PBX1: variants seen among roughly 807,000 people sequenced by gnomAD.
PBX1 encodes the protein pre-B-cell leukemia transcription factor 1.
A neutral mutation model predicts 53.4 loss-of-function variants in PBX1; 6 were observed. The observed-to-expected ratio is 0.11, with a 90% CI of 0.06 to 0.22. PBX1 has a LOEUF of 0.22. Ranked by LOEUF, PBX1 falls within the 10% of genes least tolerant of loss-of-function variation. The pLI, the probability that PBX1 is intolerant of heterozygous loss-of-function variation, is 1.00. For missense variants in PBX1, 251 were observed against 551.4 expected (o/e 0.46, Z 5.46); for synonymous variants, 204 against 212.3 (o/e 0.96, Z 0.34).
At chr1:164,633,320 T>G (rs923578404) in intron 2 of PBX1, among the ~76,000 whole-genome samples, 3 of 152,106 alleles carry the variant, frequency 2.0e-5, no homozygotes, top group African/African-American at 7.2e-5. Flanking sequence ...CGGCTAATTT[T>G]CTTATTTTTA....
chr1:164,786,720 T>TGTGTGTGTGTGCGCGC (rs1357886882), intron 2 of PBX1, among the ~76,000 whole-genome samples: 105 of 116,276 alleles, frequency 9.0e-4, no homozygotes, highest in African/African-American at 3.5e-3. Flanking sequence ...TGTGTGTGTG[T>TGTGTGTGTGTGCGCGC]GCGCGCGCAC....
Position 164,572,761 on chromosome 1 carries a change from T to C in PBX1, c.265+9450T>C, listed in dbSNP as rs78503372. ...CACTGATGTAAAGCACATAGTTCAA[T>C]GAGTATGCTCAACTAGTGGCCACTA... is the stretch of plus-strand genomic sequence containing the variant. On this transcript the variant is annotated intron_variant, in intron 2 of 8. Transcript: ENST00000420696. Among the ~76,000 whole-genome samples, 391 of 152,342 alleles carry C rather than the reference T, an allele frequency of 2.6e-3. 3 individuals carry two copies. The highest frequency in any genetic ancestry group is 9.2e-3 in the African/African-American group (382 of 41,580).
intron 2 of PBX1, among the ~76,000 whole-genome samples, chr1:164,776,599 C>T (rs1188380849): frequency 6.6e-6 from 1 of 152,156 alleles, no homozygotes; most frequent in Non-Finnish European, 1.5e-5. Flanking sequence ...CCTTAAAGAT[C>T]AGCATATTCT....
At chr1:164,727,324 T>TA (rs1350684844) in intron 2 of PBX1, among the ~76,000 whole-genome samples, 1 of 152,230 alleles carries the variant, frequency 6.6e-6, no homozygotes, top group African/African-American at 2.4e-5. Flanking sequence ...GGATTATGCC[T>TA]AAGTAGTTCT....
At chr1:164,631,475 T>G (rs1364075918) in intron 2 of PBX1, among the ~76,000 whole-genome samples, 1 of 152,130 alleles carries the variant, frequency 6.6e-6, no homozygotes. Flanking sequence ...CATTGACCCT[T>G]TTACTGAGGT....
chr1:164,805,324 A>G (rs1344373514), intron 4 of PBX1, among the ~76,000 whole-genome samples: 3 of 152,172 alleles, frequency 2.0e-5, no homozygotes, highest in Non-Finnish European at 4.4e-5. Flanking sequence ...TATTTTCACT[A>G]GGTTTCTTGA....
At chr1:164,561,675 C>T (rs902029933) in intron 1 of PBX1, among the ~76,000 whole-genome samples, 14 of 152,146 alleles carry the variant, frequency 9.2e-5, no homozygotes, top group African/African-American at 3.4e-4. Flanking sequence ...TGTTCAGTCT[C>T]TCTTCTTTTG....
intron 2 of PBX1, among the ~76,000 whole-genome samples, chr1:164,721,652 G>A (rs1664410839): frequency 6.6e-6 from 1 of 152,058 alleles, no homozygotes; most frequent in Admixed American, 6.5e-5. Context: ...GTTACCAGAA[G>A]GTTCACCCAT....
At chr1:164,650,999 G>A (rs1659778179) in intron 2 of PBX1, among the ~76,000 whole-genome samples, 1 of 151,738 alleles carries the variant, frequency 6.6e-6, no homozygotes, top group African/African-American at 2.4e-5. Flanking sequence ...AAGAGGTGAG[G>A]GGAAAGGAAA....
In PBX1 at chr1:164,559,521, A is replaced by G. The variant is rs934601384; in HGVS notation, c.-302A>G. On this transcript the variant is annotated 5_prime_UTR_variant, in exon 1 of 9. Coordinates refer to ENST00000420696, the MANE Select transcript of PBX1 (RefSeq NM_002585.4). Reference sequence around the variant, plus strand: ...AGCCAGCTCTGATTTCTTTTCGCCAAGTGGGAAGGTGGTTTATTTTTCTTG... The same window carrying G: ...AGCCAGCTCTGATTTCTTTTCGCCAGGTGGGAAGGTGGTTTATTTTTCTTG... 5.9e-6 allele frequency: 2 copies of G among 337,136 alleles called. No individual in the cohort carries two copies. Among genetic ancestry groups the G allele is most frequent in the African/African-American group, 2.1e-5 (1 of 47,746 alleles). The allele number at this position is 337,136 out of a possible 1,614,324, so 20.9% of individuals were successfully genotyped here. A position where few individuals can be genotyped will look rare whatever the true frequency, so the allele number is the denominator to read the frequency against.
rs184600160 is a variant in PBX1, at chr1:164,646,040, A to T, written c.265+82729A>T. Among the ~76,000 whole-genome samples the T allele has an allele frequency of 9.1e-4, 139 of 152,276 alleles. 4 individuals are homozygous for T. In the South Asian group the frequency reaches 0.027, roughly 29 times the overall value. On this transcript the variant is annotated intron_variant, in intron 2 of 8. Transcript: ENST00000420696. ...ATTATGGCAACTGCCCTGGGGAAAAAATTATAAGGGCCAAACAAAAGTGCT... is the reference window on the plus strand; with the variant it reads ...ATTATGGCAACTGCCCTGGGGAAAATATTATAAGGGCCAAACAAAAGTGCT...
intron 2 of PBX1, among the ~76,000 whole-genome samples, chr1:164,739,110 C>T (rs537344298): frequency 3.9e-5 from 6 of 152,274 alleles, no homozygotes; most frequent in Non-Finnish European, 8.8e-5. Context: ...AGTAAGCGAA[C>T]CTAGTTTCCA....
intron 2 of PBX1, among the ~76,000 whole-genome samples, chr1:164,764,846 G>T (rs556375795): frequency 6.6e-6 from 1 of 152,152 alleles, no homozygotes; most frequent in Non-Finnish European, 1.5e-5. Flanking sequence ...TACCATTATT[G>T]CAGCTACTGT....
intron 2 of PBX1, among the ~76,000 whole-genome samples, chr1:164,689,771 C>G (rs2635025): frequency 0.34 from 51,655 of 151,900 alleles, 9,175 homozygotes; most frequent in East Asian, 0.47. Context: ...TGGCTTGGCT[C>G]TCTTTGGTGT....
chr1:164,585,647 C>G (rs1654906635), intron 2 of PBX1, among the ~76,000 whole-genome samples: 1 of 152,168 alleles, frequency 6.6e-6, no homozygotes, highest in African/African-American at 2.4e-5. Flanking sequence ...TTCTCTGATT[C>G]TTTTCTGTGG....
intron 2 of PBX1, among the ~76,000 whole-genome samples, chr1:164,859,049 T>C (rs1672037631): frequency 1.3e-5 from 2 of 152,214 alleles, no homozygotes; most frequent in Non-Finnish European, 2.9e-5. Context: ...TAACCTCAGT[T>C]GAAGGCTAGG....
intron 2 of PBX1, among the ~76,000 whole-genome samples, chr1:164,585,474 A>G (rs529698208): frequency 6.6e-6 from 1 of 152,284 alleles, no homozygotes; most frequent in Non-Finnish European, 1.5e-5. Context: ...TTTGCTATTT[A>G]TAGACTTGTC....
intron 2 of PBX1, among the ~76,000 whole-genome samples, chr1:164,698,725 A>T (rs1662932425): frequency 6.6e-6 from 1 of 152,198 alleles, no homozygotes; most frequent in Non-Finnish European, 1.5e-5. Flanking sequence ...TTGTATGTTT[A>T]TCTGGCTTCC....
intron 8 of PBX1, among the ~76,000 whole-genome samples, chr1:164,845,921 G>A (rs1671549550): frequency 6.6e-6 from 1 of 152,100 alleles, no homozygotes; most frequent in African/African-American, 2.4e-5. Context: ...TCCTGATGTT[G>A]CAACAAAATG....
Sources: gnomAD v4.1 joint callset for allele counts (sites outside exome capture counted in the v4.1 genomes callset) on GRCh38, gnomAD v4.1.1 for gene constraint, MANE v1.5 for transcripts, NCBI Gene and HGNC (gene_info 2026-07-23, HGNC 2026-07-21) for gene names.